The following ATP2B4 variants were observed in gnomAD, a reference collection of about 807,000 sequenced individuals.
The protein encoded by ATP2B4 is plasma membrane calcium-transporting ATPase 4.
In ATP2B4, 39 loss-of-function variants were observed where a neutral mutation model predicts 110.3. The ratio of observed to expected loss-of-function variants is 0.35; its 90% CI spans 0.27 to 0.46. ATP2B4 has a LOEUF of 0.46. Ranked by LOEUF, ATP2B4 falls within the 20% of genes least tolerant of loss-of-function variation. The pLI is 1.00. For missense variants in ATP2B4, 1,135 were observed against 1,530.9 expected, an observed-to-expected ratio of 0.74 and a Z score of 4.32; for synonymous variants, 538 against 571.7, an observed-to-expected ratio of 0.94 and a Z score of 0.84.
At chr1:203,732,907 A>G (rs2102235832) in intron 20 of ATP2B4, among the ~76,000 whole-genome samples, 1 of 152,220 alleles carries the variant, frequency 6.6e-6, no homozygotes, top group Admixed American at 6.5e-5. Context: ...TTACATTTTA[A>G]ATACTCTTGG....
rs34272522 is a variant in ATP2B4, at chr1:203,719,721, T to TATAAATAAATAAATAAATAAATAAATAA, written c.2407-821_2407-794dup. Reference sequence around the variant, plus strand: ...CAGAGGGAGACTCTGTCTCAAAAACTATAAATAAATAAATAAATAAATAAA... The same window carrying TATAAATAAATAAATAAATAAATAAATAA: ...CAGAGGGAGACTCTGTCTCAAAAACTATAAATAAATAAATAAATAAATAAATAAATAAATAAATAAATAAATAAATAAA... On this transcript the variant is annotated intron_variant, in intron 15 of 20. Coordinates refer to ENST00000357681, the MANE Select transcript of ATP2B4 (RefSeq NM_001684.5). Among the ~76,000 whole-genome samples the TATAAATAAATAAATAAATAAATAAATAA allele has an allele frequency of 8.9e-5, 13 of 146,294 alleles. 1 individual carries two copies. The highest frequency in any genetic ancestry group is 2.8e-4 in the Admixed American group (4 of 14,436).
At chr1:203,632,510 A>AT (rs1319795493) in intron 1 of ATP2B4, among the ~76,000 whole-genome samples, 1 of 151,610 alleles carries the variant, frequency 6.6e-6, no homozygotes, top group Non-Finnish European at 1.5e-5. Context: ...CGCCCGGCTA[A>AT]TTTTTTGTAT....
chr1:203,712,919 G>T (rs1441786138), intron 13 of ATP2B4, among the ~76,000 whole-genome samples: 1 of 152,096 alleles, frequency 6.6e-6, no homozygotes, highest in East Asian at 1.9e-4. Flanking sequence ...GGGAAATGGG[G>T]GATTGGCTGC....
intron 1 of ATP2B4, among the ~76,000 whole-genome samples, chr1:203,652,332 G>A (rs1664023797): frequency 6.6e-6 from 1 of 151,906 alleles, no homozygotes; most frequent in South Asian, 2.1e-4. Context: ...GTTTAGTAGA[G>A]ACGGGGTTTC....
intron 1 of ATP2B4, among the ~76,000 whole-genome samples, chr1:203,665,239 A>C (rs1221532420): frequency 2.0e-5 from 3 of 152,224 alleles, no homozygotes; most frequent in Non-Finnish European, 4.4e-5. Context: ...GCCCATGTTC[A>C]GGGCACATGC....
intron 9 of ATP2B4, among the ~76,000 whole-genome samples, chr1:203,707,469 CAG>C (rs1490310274): frequency 1.3e-5 from 2 of 149,392 alleles, no homozygotes; most frequent in African/African-American, 2.5e-5. Flanking sequence ...TTTTTTAAGA[CAG>C]AGTCTCATTC....
chr1:203,715,438 A>G (rs1054273372), intron 15 of ATP2B4, among the ~76,000 whole-genome samples: 1 of 142,670 alleles, frequency 7.0e-6, no homozygotes, highest in African/African-American at 2.6e-5. Context: ...CTGTAATCCT[A>G]GCTACTCCGG....
At chr1:203,677,028 T>A (rs1262781088) in intron 1 of ATP2B4, among the ~76,000 whole-genome samples, 1 of 152,184 alleles carries the variant, frequency 6.6e-6, no homozygotes, top group African/African-American at 2.4e-5. Flanking sequence ...TGTTTACATT[T>A]TTTTTATATC....
intron 1 of ATP2B4, among the ~76,000 whole-genome samples, chr1:203,631,619 G>A (rs1429468380): frequency 5.3e-5 from 8 of 152,094 alleles, no homozygotes; most frequent in Non-Finnish European, 8.8e-5. Context: ...CCCAGGCTCC[G>A]TGCTGGGCGC....
chr1:203,697,969 T>G (rs921012222), intron 2 of ATP2B4, among the ~76,000 whole-genome samples, 188 bp from the exon 3 acceptor site: 1 of 152,062 alleles, frequency 6.6e-6, no homozygotes, highest in African/African-American at 2.4e-5. Flanking sequence ...CCTCCCAAAG[T>G]GCTAGGATTA....
intron 15 of ATP2B4, among the ~76,000 whole-genome samples, chr1:203,720,213 G>A (rs750294684): frequency 5.3e-5 from 8 of 152,230 alleles, no homozygotes; most frequent in Middle Eastern, 3.2e-3. Context: ...GATACTGGCA[G>A]TGGCAACAGA....
intron 1 of ATP2B4, among the ~76,000 whole-genome samples, chr1:203,634,931 G>A (rs962276595): frequency 4.6e-5 from 7 of 151,896 alleles, no homozygotes; most frequent in South Asian, 4.2e-4. Flanking sequence ...CCCAAAGTGC[G>A]GGGATTACAG....
At chr1:203,727,627 G>A (rs1666563363) in intron 20 of ATP2B4, 56 bp downstream of exon 20, 1 of 1,597,330 alleles carries the variant, frequency 6.3e-7, no homozygotes. Flanking sequence ...CATCTTGGAA[G>A]GTGTTGGGAG....
chr1:203,713,262 G>T lies in ATP2B4; in HGVS notation c.2299+10G>T. On this transcript the variant is annotated intron_variant, in intron 14 of 20. Transcript: ENST00000357681. ...CACACCCTGGTGAAAGGTGAGGTTG[G>T]CTTCCAAATAGGTGCCTGCAACAGC... 1 of 1,614,046 alleles carries T rather than the reference G, an allele frequency of 6.2e-7. No homozygotes were observed. The highest frequency in any genetic ancestry group is 8.5e-7 in the Non-Finnish European group (1 of 1,179,960).
At chr1:203,737,953 G>C (rs1484808986) in intron 20 of ATP2B4, among the ~76,000 whole-genome samples, 2 of 152,132 alleles carry the variant, frequency 1.3e-5, no homozygotes, top group Non-Finnish European at 2.9e-5. Context: ...TGAAGGTTCT[G>C]TATGGTGGTA....
At chr1:203,635,065 C>T (rs1052679559) in intron 1 of ATP2B4, among the ~76,000 whole-genome samples, 2 of 152,154 alleles carry the variant, frequency 1.3e-5, no homozygotes, top group Non-Finnish European at 2.9e-5. Context: ...ACCTCCGCCT[C>T]CTGATTTCAA....
At chr1:203,653,661 A>G (rs1664064932) in intron 1 of ATP2B4, among the ~76,000 whole-genome samples, 1 of 152,108 alleles carries the variant, frequency 6.6e-6, no homozygotes, top group African/African-American at 2.4e-5. Flanking sequence ...GGTTCAAGTG[A>G]TTCTTCTGCC....
intron 1 of ATP2B4, among the ~76,000 whole-genome samples, chr1:203,653,725 T>G (rs1247052236): frequency 6.6e-6 from 1 of 151,768 alleles, no homozygotes; most frequent in African/African-American, 2.4e-5. Context: ...CCCTGCTAAC[T>G]TTTATATTTT....
intron 1 of ATP2B4, among the ~76,000 whole-genome samples, chr1:203,663,168 C>T (rs1012218533): frequency 6.6e-6 from 1 of 152,172 alleles, no homozygotes; most frequent in African/African-American, 2.4e-5. Flanking sequence ...CAGTCTTTGT[C>T]CTTCCTGGTC....
Sources: allele counts gnomAD v4.1 joint callset (sites outside exome capture counted in the v4.1 genomes callset), GRCh38; gene constraint gnomAD v4.1.1; transcripts MANE v1.5; gene names NCBI Gene and HGNC (gene_info 2026-07-23, HGNC 2026-07-21).